NAB1: variants seen among roughly 807,000 people sequenced by gnomAD.
The protein encoded by NAB1 is NGFI-A binding protein 1.
In NAB1, 25 loss-of-function variants were observed where a neutral mutation model predicts 49.9. The observed-to-expected ratio is 0.50, with a 90% CI of 0.37 to 0.70. NAB1 has a LOEUF of 0.70. Among genes scored for constraint, NAB1 ranks in the 30% least tolerant of loss-of-function variants. The pLI, the probability that NAB1 is intolerant of heterozygous loss-of-function variation, is 0.00. For synonymous variants in NAB1, 198 were observed against 215.6 expected, an observed-to-expected ratio of 0.92 and a Z score of 0.71; for missense variants, 489 against 575.9, an observed-to-expected ratio of 0.85 and a Z score of 1.54.
chr2:190,652,348 A>T lies in NAB1; in HGVS notation c.-197+2366A>T, dbSNP rs1199836342. On this transcript the variant is annotated intron_variant, in intron 2 of 9. Coordinates refer to ENST00000337386, the MANE Select transcript of NAB1 (RefSeq NM_005966.4). This position sits in a 1 kb window ranked among gnomAD's most constrained non-coding sequence, Gnocchi z 4.2. ...CCTGCATACTCTGTGCTCAGTGGGT[A>T]CTTAATGTTTGTTGAATGACTTGAT... is the stretch of plus-strand genomic sequence containing the variant. 6.6e-6 allele frequency among the ~76,000 whole-genome samples: 1 copy of T among 152,220 alleles called. No homozygotes were observed. Among genetic ancestry groups the T allele is most frequent in the Admixed American group, 6.5e-5 (1 of 15,276 alleles).
rs1695514622 is a variant in NAB1 at position 190,684,618 on chromosome 2, T to C, written c.1095+791T>C. ...ATTCTGTGAATTAATATATTTTACC[T>C]ACTGATTTTTACATTGTGAATCAGG... On this transcript the variant is annotated intron_variant, in intron 7 of 9. Transcript: ENST00000337386. This position sits in a 1 kb window ranked among gnomAD's most constrained non-coding sequence, Gnocchi z 4.6. Among the ~76,000 whole-genome samples, 1 of 152,222 alleles carries C rather than the reference T, an allele frequency of 6.6e-6. No homozygotes were observed. Among genetic ancestry groups the C allele is most frequent in the Non-Finnish European group, 1.5e-5 (1 of 68,022 alleles).
At chr2:190,668,281 G>C (rs1484164073) in intron 4 of NAB1, among the ~76,000 whole-genome samples, 1 of 152,084 alleles carries the variant, frequency 6.6e-6, no homozygotes, top group Non-Finnish European at 1.5e-5. Flanking sequence ...TTGGATATGT[G>C]TGCAAAGGTA....
rs1053759660 is a variant in NAB1 at position 190,684,432 on chromosome 2, A to G, written c.1095+605A>G. Among the ~76,000 whole-genome samples, 1 of 149,118 alleles carries G rather than the reference A, an allele frequency of 6.7e-6. No individual in the cohort carries two copies. Among genetic ancestry groups the G allele is most frequent in the African/African-American group, 2.6e-5 (1 of 38,870 alleles). ...GCTTTTGATCAAATTTAGTACTGCT[A>G]AGTTTTGTTTTTTTCATGTTAGGAT... On this transcript the variant is annotated intron_variant, in intron 7 of 9. Transcript: ENST00000337386. The surrounding 1 kb of genome is among the most constrained non-coding windows in gnomAD (Gnocchi z 4.6).
At chr2:190,683,908 T>C in intron 7 of NAB1, 81 bp downstream of exon 7, 1 of 1,116,516 alleles carries the variant, frequency 9.0e-7, no homozygotes, top group Non-Finnish European at 1.3e-6. Flanking sequence ...AGCTTCAGTT[T>C]TAAGTATCTG....
rs1693823112 is a variant in NAB1 at position 190,654,470 on chromosome 2, A to G, written c.-196-1507A>G. ...GGTAGTGGGAAAGACATTTTGGGAA[A>G]GGCTGTGAAGGTTGGAGGGAGAGAG... On this transcript the variant is annotated intron_variant, in intron 2 of 9. Coordinates refer to ENST00000337386, the MANE Select transcript of NAB1 (RefSeq NM_005966.4). This position sits in a 1 kb window ranked among gnomAD's most constrained non-coding sequence, Gnocchi z 5.6. 6.6e-6 allele frequency among the ~76,000 whole-genome samples: 1 copy of G among 152,162 alleles called. No homozygotes were observed.
At chr2:190,656,697 A>G (rs1693938716) in intron 3 of NAB1, among the ~76,000 whole-genome samples, 1 of 152,058 alleles carries the variant, frequency 6.6e-6, no homozygotes, top group Non-Finnish European at 1.5e-5. Context: ...CTTGAAAATT[A>G]TTTTCTAAAA....
Position 190,663,932 on chromosome 2 carries a change from A to G in NAB1, c.819+3937A>G, listed in dbSNP as rs1694356751. Among the ~76,000 whole-genome samples, 1 of 151,612 alleles carries G rather than the reference A, an allele frequency of 6.6e-6. No individual in the cohort carries two copies. The highest frequency in any genetic ancestry group is 1.5e-5 in the Non-Finnish European group (1 of 67,896). On this transcript the variant is annotated intron_variant, in intron 4 of 9. Coordinates refer to ENST00000337386, the MANE Select transcript of NAB1 (RefSeq NM_005966.4). This position sits in a 1 kb window ranked among gnomAD's most constrained non-coding sequence, Gnocchi z 4.2. The stretch of plus-strand genomic sequence containing the variant: ...TTTTTTTTCCTTATTTTTCCTAATG[A>G]TTTCTGACTTAATTACATTGAGGGC...
intron 2 of NAB1, among the ~76,000 whole-genome samples, chr2:190,653,401 T>C (rs1693765646): frequency 6.6e-6 from 1 of 152,250 alleles, no homozygotes; most frequent in Non-Finnish European, 1.5e-5. Context: ...CCAAGGTTTT[T>C]CACATTTTTT....
At chr2:190,687,689 A>G (rs1695688260) in intron 9 of NAB1, among the ~76,000 whole-genome samples, 2 of 152,244 alleles carry the variant, frequency 1.3e-5, no homozygotes, top group Non-Finnish European at 2.9e-5. Flanking sequence ...GTAGATTGCC[A>G]TAACACTGGC....
rs759620610 is a variant in NAB1, at chr2:190,686,575, G to A, written c.1259-626G>A. 9.9e-5 allele frequency among the ~76,000 whole-genome samples: 15 copies of A among 152,170 alleles called. No homozygotes were observed. The highest frequency in any genetic ancestry group is 1.5e-5 in the Non-Finnish European group (1 of 68,018). On this transcript the variant is annotated intron_variant, in intron 8 of 9. Coordinates refer to ENST00000337386, the MANE Select transcript of NAB1 (RefSeq NM_005966.4). The surrounding 1 kb of genome is among the most constrained non-coding windows in gnomAD (Gnocchi z 5.5). ...TTAAAAATATTACAGGAACCTCTGA[G>A]TTGAGGTCTTGTTTAACTTCTCCAA...
Position 190,690,239 on chromosome 2 carries a change from A to T in NAB1, c.1376-6A>T. ...ATCAACTCACTTTGTTTCCATTTTTATGTAGAGAGCCTTGGGATTTTAAAA... is the reference window on the plus strand; with the variant it reads ...ATCAACTCACTTTGTTTCCATTTTTTTGTAGAGAGCCTTGGGATTTTAAAA... On this transcript the variant is annotated splice_polypyrimidine_tract_variant and splice_region_variant and intron_variant, in intron 9 of 9. Coordinates refer to ENST00000337386, the MANE Select transcript of NAB1 (RefSeq NM_005966.4). The T allele has an allele frequency of 6.3e-7, 1 of 1,598,318 alleles. No homozygotes were observed. The highest frequency in any genetic ancestry group is 8.6e-7 in the Non-Finnish European group (1 of 1,167,324).
intron 5 of NAB1, among the ~76,000 whole-genome samples, chr2:190,672,694 G>A (rs1238178691): frequency 6.6e-6 from 1 of 151,394 alleles, no homozygotes. Flanking sequence ...TTAAGTGCTA[G>A]GCTGGGCACA....
At chr2:190,656,201 T>A (rs1323741122) in intron 3 of NAB1, 48 bp downstream of exon 3, 1 of 152,266 alleles carries the variant, frequency 6.6e-6, no homozygotes, top group African/African-American at 2.4e-5. Flanking sequence ...CTAAGCTACC[T>A]GTATATAACG....
Position 190,670,273 on chromosome 2 carries a change from T to C in NAB1, c.820-53T>C. On this transcript the variant is annotated intron_variant, in intron 4 of 9. Transcript: ENST00000337386. The surrounding 1 kb of genome is among the most constrained non-coding windows in gnomAD (Gnocchi z 5.3). Reference sequence around the variant, plus strand: ...TATATTTTAAGTGAAACCTTTTGCATTTTGATGAAATTAAAATGTTCTTAA... The same window carrying C: ...TATATTTTAAGTGAAACCTTTTGCACTTTGATGAAATTAAAATGTTCTTAA... The C allele has an allele frequency of 3.9e-6, 6 of 1,532,178 alleles. No individual in the cohort carries two copies. The highest frequency in any genetic ancestry group is 3.5e-6 in the Non-Finnish European group (4 of 1,131,268). The allele number at this position is 1,532,178 out of a possible 1,614,324, so 94.9% of individuals were successfully genotyped here.
intron 3 of NAB1, among the ~76,000 whole-genome samples, chr2:190,656,988 T>C (rs1285630408): frequency 6.6e-6 from 1 of 152,188 alleles, no homozygotes; most frequent in Non-Finnish European, 1.5e-5. Context: ...GGAGCTTCTG[T>C]GTCTTCCACA....
Position 190,676,842 on chromosome 2 carries a change from CAT to C in NAB1, c.1005+3693_1005+3694del, listed in dbSNP as rs1163213043. The C allele has an allele frequency of 6.6e-6, 1 of 152,096 alleles. No individual in the cohort carries two copies. Among genetic ancestry groups the C allele is most frequent in the Non-Finnish European group, 1.5e-5 (1 of 68,014 alleles). 9.4% of individuals were successfully genotyped at this position (152,096 alleles called of 1,614,324 possible). ...TTCTAAAATCCTTTATAACAATAAG[CAT>C]ATGTGCCACATTGCTGGCTTTTTCC... is the stretch of plus-strand genomic sequence containing the variant. On this transcript the variant is annotated intron_variant, in intron 6 of 9. Transcript: ENST00000337386. This position sits in a 1 kb window ranked among gnomAD's most constrained non-coding sequence, Gnocchi z 4.6.
intron 9 of NAB1, 78 bp downstream of exon 9, chr2:190,687,395 CAAAAAAAAA>C (rs60742412): frequency 8.9e-4 from 144 of 161,914 alleles, no homozygotes; most frequent in Non-Finnish European, 1.1e-3. Context: ...CCTCCCCCAT[CAAAAAAAAA>C]AAAAAAAAAA....
At position 190,674,483 on chromosome 2, in the gene NAB1, A is replaced by G. The variant is rs1222548987; in HGVS notation, c.1005+1331A>G. On this transcript the variant is annotated intron_variant, in intron 6 of 9. Transcript: ENST00000337386. This position sits in a 1 kb window ranked among gnomAD's most constrained non-coding sequence, Gnocchi z 5.7. The stretch of plus-strand genomic sequence containing the variant: ...AGGCTTATTCTCCTGGTTTGTTTTC[A>G]TAGCATTCGCCAGTATTTGAAACTG... Among the ~76,000 whole-genome samples, 5 of 152,230 alleles carry G rather than the reference A, an allele frequency of 3.3e-5. No homozygotes were observed. The highest frequency in any genetic ancestry group is 2.0e-4 in the Admixed American group (3 of 15,282).
intron 4 of NAB1, among the ~76,000 whole-genome samples, chr2:190,664,720 C>G (rs1057394365): frequency 6.7e-6 from 1 of 150,342 alleles, no homozygotes; most frequent in African/African-American, 2.4e-5. Context: ...ACGTGAGCCA[C>G]CACACCTGGT....
Sources: allele counts gnomAD v4.1 joint callset (sites outside exome capture counted in the v4.1 genomes callset), GRCh38; gene constraint gnomAD v4.1.1; non-coding constraint Gnocchi (gnomAD v3.1); transcripts MANE v1.5; gene names NCBI Gene and HGNC (gene_info 2026-07-23, HGNC 2026-07-21).